LRRTM4: variants seen among roughly 807,000 people sequenced by gnomAD.
The protein encoded by LRRTM4 is leucine-rich repeat transmembrane neuronal protein 4.
In LRRTM4, 25 loss-of-function variants were observed where a neutral mutation model predicts 47.6. The ratio of observed to expected loss-of-function variants is 0.53; its 90% confidence interval spans 0.38 to 0.73. The LOEUF (loss-of-function observed/expected upper bound fraction) is 0.73. LRRTM4 is among the 30% of genes least tolerant of loss of function. The probability of loss-of-function intolerance (pLI) is 0.00; values close to 1 mark genes in which losing one functional copy is unlikely to be tolerated. For synonymous variants in LRRTM4, 311 were observed against 269.5 expected (o/e 1.15, Z -1.51); for missense variants, 638 against 713.4 (o/e 0.89, Z 1.20).
rs1676832793 is a variant in LRRTM4 at position 77,462,639 on chromosome 2, A to T, written c.1551+55679T>A. ...AAAAATAAAAACAGGTGGCAGGAAG[A>T]TCTACCAACAGCTCTCCTTTTGATA... On this transcript the variant is annotated intron_variant, in intron 3 of 3. Transcript: ENST00000409884. 2.6e-5 allele frequency among the ~76,000 whole-genome samples: 4 copies of T among 152,092 alleles called. No homozygotes were observed. In the South Asian group the frequency reaches 6.2e-4, roughly 24 times the overall value.
At chr2:77,361,098 C>T (rs990899125) in intron 3 of LRRTM4, among the ~76,000 whole-genome samples, 8 of 151,960 alleles carry the variant, frequency 5.3e-5, no homozygotes, top group Admixed American at 6.6e-5. Flanking sequence ...TAAGCTATGC[C>T]AGATCCTCCT....
chr2:77,005,445 T>C (rs1677606909), intron 3 of LRRTM4, among the ~76,000 whole-genome samples: 1 of 152,024 alleles, frequency 6.6e-6, no homozygotes, highest in Non-Finnish European at 1.5e-5. Flanking sequence ...GCCTGGCTGA[T>C]TGTGTTTTAA....
intron 3 of LRRTM4, among the ~76,000 whole-genome samples, chr2:76,902,718 G>A (rs906989018): frequency 1.3e-5 from 2 of 152,146 alleles, no homozygotes; most frequent in Non-Finnish European, 2.9e-5. Context: ...TGCTCTCTAA[G>A]TTCTGTGATG....
At chr2:77,360,548 T>TA (rs1672167876) in intron 3 of LRRTM4, among the ~76,000 whole-genome samples, 1 of 138,562 alleles carries the variant, frequency 7.2e-6, no homozygotes, top group East Asian at 2.2e-4. Flanking sequence ...ATACAATCAT[T>TA]CATACATACA....
chr2:77,228,912 A>G (rs1428616671), intron 3 of LRRTM4, among the ~76,000 whole-genome samples: 1 of 152,140 alleles, frequency 6.6e-6, no homozygotes, highest in Non-Finnish European at 1.5e-5. Flanking sequence ...CCAGTAAACC[A>G]GGAGAATTAG....
intron 3 of LRRTM4, among the ~76,000 whole-genome samples, chr2:77,149,334 T>TG (rs1483121532): frequency 6.6e-6 from 1 of 152,184 alleles, no homozygotes; most frequent in African/African-American, 2.4e-5. Flanking sequence ...ATTTGTATGT[T>TG]GTTGCTACTG....
intron 3 of LRRTM4, among the ~76,000 whole-genome samples, chr2:77,428,448 C>T (rs986491529): frequency 3.7e-4 from 56 of 152,210 alleles, no homozygotes; most frequent in African/African-American, 1.2e-3. Context: ...TATTATTTCA[C>T]TTTGGCCTGG....
At chr2:77,183,775 C>G (rs1288938225) in intron 3 of LRRTM4, among the ~76,000 whole-genome samples, 1 of 152,126 alleles carries the variant, frequency 6.6e-6, no homozygotes, top group African/African-American at 2.4e-5. Flanking sequence ...AGTTCATGTC[C>G]TTTGTAGGGA....
At chr2:77,223,360 G>A (rs1266725403) in intron 3 of LRRTM4, among the ~76,000 whole-genome samples, 1 of 152,136 alleles carries the variant, frequency 6.6e-6, no homozygotes, top group African/African-American at 2.4e-5. Context: ...TCTGGCCAGG[G>A]CAATCAGGCA....
intron 3 of LRRTM4, among the ~76,000 whole-genome samples, chr2:77,243,123 A>T (rs1382886055): frequency 5.3e-5 from 8 of 152,190 alleles, no homozygotes; most frequent in Admixed American, 3.9e-4. Flanking sequence ...CATAAAAAAG[A>T]TAAATACGGC....
intron 3 of LRRTM4, among the ~76,000 whole-genome samples, chr2:76,797,486 A>C (rs930859445): frequency 6.6e-6 from 1 of 152,130 alleles, no homozygotes; most frequent in East Asian, 1.9e-4. Flanking sequence ...GGAAAGGAAC[A>C]ACCGGTATCA....
intron 3 of LRRTM4, among the ~76,000 whole-genome samples, chr2:77,034,018 T>C (rs1235679509): frequency 6.6e-6 from 1 of 151,802 alleles, no homozygotes. Context: ...TTAGTATACC[T>C]TTATTATTGA....
intron 3 of LRRTM4, among the ~76,000 whole-genome samples, chr2:77,034,512 C>T (rs1446695): frequency 0.56 from 84,807 of 151,712 alleles, 26,058 homozygotes; most frequent in African/African-American, 0.82. Flanking sequence ...ATTTTCTCTC[C>T]GTCTTCTATT....
At chr2:77,301,751 G>A (rs1205372202) in intron 3 of LRRTM4, among the ~76,000 whole-genome samples, 4 of 152,016 alleles carry the variant, frequency 2.6e-5, no homozygotes, top group Non-Finnish European at 5.9e-5. Flanking sequence ...TTTGCTAATA[G>A]AGCTGCAAAT....
intron 3 of LRRTM4, among the ~76,000 whole-genome samples, chr2:76,861,155 G>A (rs1341297213): frequency 1.3e-5 from 2 of 151,874 alleles, no homozygotes; most frequent in African/African-American, 2.4e-5. Flanking sequence ...AAATTCAGAC[G>A]AGCTACATTA....
At chr2:77,070,935 A>G (rs1680134538) in intron 3 of LRRTM4, among the ~76,000 whole-genome samples, 2 of 152,132 alleles carry the variant, frequency 1.3e-5, no homozygotes, top group Admixed American at 6.6e-5. Flanking sequence ...TTTTTTTGAA[A>G]TAACAATTTT....
chr2:77,050,282 G>A lies in LRRTM4; in HGVS notation c.1552-301366C>T, dbSNP rs145398953. Among the ~76,000 whole-genome samples, 319 of 152,194 alleles carry A rather than the reference G, an allele frequency of 2.1e-3. 1 individual carries two copies. The highest frequency in any genetic ancestry group is 7.3e-3 in the African/African-American group (304 of 41,544). Reference sequence around the variant, plus strand: ...TCCTGCATGGCAACCATGAGCTGGAGGTAATAGGCTGCTACCACTTTTGGA... The same window carrying A: ...TCCTGCATGGCAACCATGAGCTGGAAGTAATAGGCTGCTACCACTTTTGGA... On this transcript the variant is annotated intron_variant, in intron 3 of 3. Coordinates refer to ENST00000409884, the MANE Select transcript of LRRTM4 (RefSeq NM_001134745.3).
At chr2:76,775,877 A>G (rs1484415471) in intron 3 of LRRTM4, among the ~76,000 whole-genome samples, 1 of 152,078 alleles carries the variant, frequency 6.6e-6, no homozygotes, top group Non-Finnish European at 1.5e-5. Context: ...ATCTAGCATT[A>G]GGTATGTCTC....
chr2:76,922,723 T>C (rs1206119722), intron 3 of LRRTM4, among the ~76,000 whole-genome samples: 1 of 151,992 alleles, frequency 6.6e-6, no homozygotes, highest in Admixed American at 6.6e-5. Context: ...CTACAACTAA[T>C]AATAAGGTAT....
Sources: gnomAD v4.1 joint callset for allele counts (sites outside exome capture counted in the v4.1 genomes callset) on GRCh38, gnomAD v4.1.1 for gene constraint, MANE v1.5 for transcripts, NCBI Gene and HGNC (gene_info 2026-07-23, HGNC 2026-07-21) for gene names.